Variants in CELF2 observed in about 807,000 individuals in gnomAD.
The protein encoded by CELF2 is CUG triplet repeat RNA-binding protein 2.
In CELF2, 8 loss-of-function variants were observed where a neutral mutation model predicts 62.6. That is an observed-to-expected ratio of 0.13 (90% confidence interval 0.07 to 0.23). The LOEUF (loss-of-function observed/expected upper bound fraction) is 0.23. CELF2 is among the 10% of genes least tolerant of loss of function. CELF2 has a pLI of 1.00. For synonymous variants in CELF2, 258 were observed against 250.0 expected, an observed-to-expected ratio of 1.03 and a Z score of -0.30; for missense variants, 333 against 671.0, an observed-to-expected ratio of 0.50 and a Z score of 5.56.
chr10:10,565,600 C>T, the CELF2 span, among the ~76,000 whole-genome samples: 2 of 152,174 alleles, frequency 1.3e-5, no homozygotes. Context: ...CATGAGAAGA[C>T]TCTCTGGGTC....
the CELF2 span, among the ~76,000 whole-genome samples, chr10:10,694,506 G>T: frequency 1.3e-5 from 2 of 152,152 alleles, no homozygotes; most frequent in African/African-American, 2.4e-5. Context: ...GGGGTGGAGA[G>T]TTCTGTAGAT....
At chr10:11,170,163 C>T (rs1270487769) in intron 2 of CELF2, among the ~76,000 whole-genome samples, 2 of 152,112 alleles carry the variant, frequency 1.3e-5, no homozygotes, top group Non-Finnish European at 2.9e-5. Flanking sequence ...AGTTGTACAG[C>T]AAAGGAGATT....
At chr10:11,084,155 G>C (rs1407265530) in intron 1 of CELF2, among the ~76,000 whole-genome samples, 1 of 152,210 alleles carries the variant, frequency 6.6e-6, no homozygotes, top group Non-Finnish European at 1.5e-5. Context: ...TTTTCTGGTT[G>C]GATGTAACCC....
the CELF2 span, among the ~76,000 whole-genome samples, chr10:10,657,218 A>C: frequency 3.3e-5 from 5 of 152,152 alleles, no homozygotes; most frequent in East Asian, 9.6e-4. Flanking sequence ...ATGACACAGA[A>C]AAAAAAGTAG....
the CELF2 span, among the ~76,000 whole-genome samples, chr10:10,606,251 G>A: frequency 2.0e-5 from 3 of 152,166 alleles, no homozygotes; most frequent in African/African-American, 7.2e-5. Flanking sequence ...TCAAAAAAAC[G>A]TGATTGAGGA....
intron 2 of CELF2, among the ~76,000 whole-genome samples, chr10:11,182,055 T>A (rs2073580430): frequency 6.6e-6 from 1 of 152,194 alleles, no homozygotes; most frequent in African/African-American, 2.4e-5. Flanking sequence ...GCTTTGACAT[T>A]TAAAATAAAA....
chr10:10,654,201 G>C, the CELF2 span, among the ~76,000 whole-genome samples: 1 of 129,816 alleles, frequency 7.7e-6, no homozygotes, highest in Non-Finnish European at 1.7e-5. Flanking sequence ...ACCAATAACA[G>C]GAGCTGAAAT....
rs2093606227 is a variant in CELF2 at position 11,300,395 on chromosome 10, C to A, written c.976+11843C>A. ...ACTGCACCAAGCCAGGTGGCATCAG[C>A]TTCCTTGGGAAGCAGAACTGGCAGC... On this transcript the variant is annotated intron_variant, in intron 9 of 12. Transcript: ENST00000633077. This position sits in a 1 kb window ranked among gnomAD's most constrained non-coding sequence, Gnocchi z 5.5. Among the ~76,000 whole-genome samples, 1 of 152,164 alleles carries A rather than the reference C, an allele frequency of 6.6e-6. No homozygotes were observed. The highest frequency in any genetic ancestry group is 2.1e-4 in the South Asian group (1 of 4,834).
the CELF2 span, among the ~76,000 whole-genome samples, chr10:10,764,952 G>C: frequency 1.8e-4 from 27 of 152,182 alleles, no homozygotes; most frequent in Non-Finnish European, 4.4e-5. Context: ...CTCATGTGCA[G>C]TATTTTATTA....
the CELF2 span, among the ~76,000 whole-genome samples, chr10:10,580,963 A>C: frequency 2.6e-5 from 4 of 152,230 alleles, no homozygotes; most frequent in African/African-American, 4.8e-5. Context: ...TTTCTTGTCC[A>C]TGAAAAGGTT....
At position 11,223,202 on chromosome 10, in the gene CELF2, C is replaced by G. The variant is rs1009715037; in HGVS notation, c.354+5695C>G. Among the ~76,000 whole-genome samples the G allele has an allele frequency of 6.6e-6, 1 of 152,218 alleles. No individual in the cohort carries two copies. Among genetic ancestry groups the G allele is most frequent in the Admixed American group, 6.5e-5 (1 of 15,292 alleles). On this transcript the variant is annotated intron_variant, in intron 3 of 12. Coordinates refer to ENST00000633077, the MANE Select transcript of CELF2 (RefSeq NM_001326342.2). The surrounding 1 kb of genome is among the most constrained non-coding windows in gnomAD (Gnocchi z 5.1). ...AATGGCCGTGCGATGATGGTGAGCT[C>G]TGCTTCCCAGCATCCTCACAGTCAG...
At chr10:10,890,243 T>C (rs1010183171) in intron 1 of CELF2, among the ~76,000 whole-genome samples, 9 of 152,092 alleles carry the variant, frequency 5.9e-5, no homozygotes, top group African/African-American at 2.2e-4. Flanking sequence ...GAATCAGGGG[T>C]ATTTCCATAT....
In CELF2 at chr10:11,311,132, A is replaced by G. The variant is rs566183286; in HGVS notation, c.977-3007A>G. 6.6e-6 allele frequency among the ~76,000 whole-genome samples: 1 copy of G among 152,332 alleles called. No individual in the cohort carries two copies. The highest frequency in any genetic ancestry group is 2.1e-4 in the South Asian group (1 of 4,830). ...CTAAACTCTCAGTGTAAAGATGAAC[A>G]AAAAATACTCCCCACTAGAAAACTA... On this transcript the variant is annotated intron_variant, in intron 9 of 12. Transcript: ENST00000633077. The surrounding 1 kb of genome is among the most constrained non-coding windows in gnomAD (Gnocchi z 4.7).
At chr10:11,301,647 G>A (rs933110934) in intron 9 of CELF2, among the ~76,000 whole-genome samples, 2 of 149,658 alleles carry the variant, frequency 1.3e-5, no homozygotes, top group South Asian at 4.3e-4. Context: ...GGAGCTGAGC[G>A]TGGCCCTCGG....
the CELF2 span, among the ~76,000 whole-genome samples, chr10:10,480,990 G>A: frequency 6.6e-6 from 1 of 152,024 alleles, no homozygotes; most frequent in African/African-American, 2.4e-5. Context: ...TTGAACCTGG[G>A]AGGCGGAGGT....
the CELF2 span, among the ~76,000 whole-genome samples, chr10:10,727,929 G>A: frequency 7.9e-5 from 12 of 152,212 alleles, no homozygotes; most frequent in South Asian, 2.5e-3. Context: ...GCACGGAGCT[G>A]CTGGGGACAC....
At chr10:10,527,339 G>A in the CELF2 span, among the ~76,000 whole-genome samples, 1 of 152,070 alleles carries the variant, frequency 6.6e-6, no homozygotes, top group South Asian at 2.1e-4. Context: ...AAGCTACTCA[G>A]GAGGCTGAGG....
chr10:11,194,123 T>G (rs2056776750), intron 2 of CELF2, among the ~76,000 whole-genome samples: 1 of 152,200 alleles, frequency 6.6e-6, no homozygotes, highest in African/African-American at 2.4e-5. Context: ...TGGAGTGTAG[T>G]GGCATGATCT....
At chr10:10,987,214 G>A (rs1170287202) in intron 2 of CELF2, among the ~76,000 whole-genome samples, 4 of 151,600 alleles carry the variant, frequency 2.6e-5, no homozygotes, top group Non-Finnish European at 5.9e-5. Context: ...AGAATACCTT[G>A]TAAGTCAATA....
Sources: allele counts gnomAD v4.1 joint callset (sites outside exome capture counted in the v4.1 genomes callset), GRCh38; gene constraint gnomAD v4.1.1; non-coding constraint Gnocchi (gnomAD v3.1); transcripts MANE v1.5; gene names NCBI Gene and HGNC (gene_info 2026-07-23, HGNC 2026-07-21).